LRP5: variants seen among roughly 807,000 people sequenced by gnomAD.
LRP5 encodes the protein low-density lipoprotein receptor-related protein 5.
In LRP5, 62 loss-of-function variants were observed where a neutral mutation model predicts 154.1. That is an observed-to-expected ratio of 0.40 (90% CI 0.33 to 0.50). The LOEUF is 0.50. Among genes scored for constraint, LRP5 ranks in the 20% least tolerant of loss-of-function variants. The pLI, the probability that LRP5 is intolerant of heterozygous loss-of-function variation, is 0.55. For missense variants in LRP5, 1,915 were observed against 2,336.7 expected (o/e 0.82, Z 3.72); for synonymous variants, 966 against 1,011.5 (o/e 0.96, Z 0.85).
intron 2 of LRP5, among the ~76,000 whole-genome samples, chr11:68,355,137 T>C (rs1241782973): frequency 1.3e-5 from 2 of 152,142 alleles, no homozygotes; most frequent in African/African-American, 4.8e-5. Context: ...CACCTGAGGC[T>C]CCTGAGGCTG....
At chr11:68,432,188 C>T (rs187409497) in intron 17 of LRP5, among the ~76,000 whole-genome samples, 4 of 152,324 alleles carry the variant, frequency 2.6e-5, no homozygotes, top group East Asian at 1.9e-4. Flanking sequence ...TGGTGCCCAG[C>T]GGCTGCTTCT....
chr11:68,309,860 C>A (rs1340091819), upstream of LRP5, among the ~76,000 whole-genome samples: 1 of 152,206 alleles, frequency 6.6e-6, no homozygotes, highest in Admixed American at 6.5e-5. Context: ...CAGGCCCCCA[C>A]AGGGGCCTCT....
At position 68,386,829 on chromosome 11, in the gene LRP5, G is replaced by T. The variant is rs1284803079; in HGVS notation, c.1412+117G>T. On this transcript the variant is annotated intron_variant, in intron 6 of 22. Coordinates refer to ENST00000294304, the MANE Select transcript of LRP5 (RefSeq NM_002335.4). This position sits in a 1 kb window ranked among gnomAD's most constrained non-coding sequence, Gnocchi z 7.9. The stretch of plus-strand genomic sequence containing the variant: ...GTCTTGCATCAGAACCCGGAGGAGG[G>T]CTTGTTAAAACACCGGCAGCTGGGC... 4 of 1,258,288 alleles carry T rather than the reference G, an allele frequency of 3.2e-6. No homozygotes were observed. The highest frequency in any genetic ancestry group is 4.3e-6 in the Non-Finnish European group (4 of 929,662). The allele number at this position is 1,258,288 out of a possible 1,614,324, so 77.9% of individuals were successfully genotyped here. A position where few individuals can be genotyped will look rare whatever the true frequency, so the allele number is the denominator to read the frequency against.
chr11:68,342,218 C>G (rs2098609595), intron 1 of LRP5, among the ~76,000 whole-genome samples: 1 of 152,094 alleles, frequency 6.6e-6, no homozygotes, highest in South Asian at 2.1e-4. Flanking sequence ...CGGAGCCGGC[C>G]CTTCCCTTCT....
rs373090987 is a variant in LRP5 at position 68,409,906 on chromosome 11, G to C, written c.2092-8G>C. The C allele has an allele frequency of 6.2e-7, 1 of 1,609,838 alleles. No homozygotes were observed. Among genetic ancestry groups the C allele is most frequent in the Non-Finnish European group, 8.5e-7 (1 of 1,176,736 alleles). On this transcript the variant is annotated splice_polypyrimidine_tract_variant and splice_region_variant and intron_variant, in intron 9 of 22. Transcript: ENST00000294304. Reference sequence around the variant, plus strand: ...AATGTGGCCCTTTTCCTCCTCACCTGCTGCCAGACCATCAGCCGCGCCTTC... The same window carrying C: ...AATGTGGCCCTTTTCCTCCTCACCTCCTGCCAGACCATCAGCCGCGCCTTC...
chr11:68,373,970 G>A (rs2098635881), intron 5 of LRP5, among the ~76,000 whole-genome samples: 1 of 152,200 alleles, frequency 6.6e-6, no homozygotes, highest in African/African-American at 2.4e-5. Context: ...GGCTCTCAGA[G>A]CTATGTCCAG....
chr11:68,435,445 C>A lies in LRP5; in HGVS notation c.4001-1444C>A, dbSNP rs1000581419. Among the ~76,000 whole-genome samples, 14 of 151,744 alleles carry A rather than the reference C, an allele frequency of 9.2e-5. No homozygotes were observed. The East Asian group carries it at 2.7e-3, about 29-fold the overall frequency. Reference sequence around the variant, plus strand: ...CTTTGACTCATGGTGAAAGTCGAAGCGGGAGCAGGTGCATCACATGGTGAG... The same window carrying A: ...CTTTGACTCATGGTGAAAGTCGAAGAGGGAGCAGGTGCATCACATGGTGAG... On this transcript the variant is annotated intron_variant, in intron 18 of 22. Coordinates refer to ENST00000294304, the MANE Select transcript of LRP5 (RefSeq NM_002335.4).
chr11:68,355,254 G>A (rs1052468200), intron 2 of LRP5, among the ~76,000 whole-genome samples: 13 of 152,116 alleles, frequency 8.5e-5, no homozygotes, highest in African/African-American at 2.2e-4. Context: ...CCTGTGTCCC[G>A]GGATCACTCT....
At chr11:68,420,140 A>G (rs1489207612) in intron 13 of LRP5, among the ~76,000 whole-genome samples, 3 of 152,212 alleles carry the variant, frequency 2.0e-5, no homozygotes, top group African/African-American at 7.2e-5. Context: ...TCAGTTCACG[A>G]GGTAACCATC....
At chr11:68,406,241 C>T (rs1261172455) in intron 8 of LRP5, among the ~76,000 whole-genome samples, 2 of 152,198 alleles carry the variant, frequency 1.3e-5, no homozygotes, top group African/African-American at 4.8e-5. Flanking sequence ...CAGGTGTTCT[C>T]CCACCACCCC....
At chr11:68,411,089 A>G (rs2153166850) in intron 10 of LRP5, among the ~76,000 whole-genome samples, 1 of 152,212 alleles carries the variant, frequency 6.6e-6, no homozygotes, top group Middle Eastern at 3.4e-3. Context: ...GCTTGTGTCC[A>G]TCCTGGTTTC....
At chr11:68,324,648 C>G (rs923597087) in intron 1 of LRP5, among the ~76,000 whole-genome samples, 5 of 152,222 alleles carry the variant, frequency 3.3e-5, no homozygotes, top group African/African-American at 4.8e-5. Flanking sequence ...AGGTTTTATC[C>G]TCTTAAGGAA....
upstream of LRP5, among the ~76,000 whole-genome samples, chr11:68,311,206 C>G (rs190369722): frequency 2.2e-4 from 33 of 152,306 alleles, no homozygotes; most frequent in Admixed American, 1.0e-3. Flanking sequence ...TAAATCCTAG[C>G]CTGGCTTCCC....
chr11:68,419,026 C>T (rs1461660150), intron 13 of LRP5, among the ~76,000 whole-genome samples: 1 of 152,116 alleles, frequency 6.6e-6, no homozygotes, highest in African/African-American at 2.4e-5. Context: ...TGCTTTTCCC[C>T]TCCTGTGTCT....
Position 68,447,124 on chromosome 11 carries a change from G to A in LRP5, c.4586+591G>A, listed in dbSNP as rs927960569. 1 of 173,000 alleles carries A rather than the reference G, an allele frequency of 5.8e-6. No individual in the cohort carries two copies. Among genetic ancestry groups the A allele is most frequent in the African/African-American group, 2.4e-5 (1 of 42,056 alleles). The allele number at this position is 173,000 out of a possible 1,614,324, so 10.7% of individuals were successfully genotyped here. On this transcript the variant is annotated intron_variant, in intron 22 of 22. Transcript: ENST00000294304. This position sits in a 1 kb window ranked among gnomAD's most constrained non-coding sequence, Gnocchi z 4.3. Reference sequence around the variant, plus strand: ...CAGGCCCCACCTCCCTGGTTGGGGAGGGGCAACTGAGAGTGTGGAGAGGTG... The same window carrying A: ...CAGGCCCCACCTCCCTGGTTGGGGAAGGGCAACTGAGAGTGTGGAGAGGTG...
intron 3 of LRP5, 111 bp from the exon 4 acceptor site, chr11:68,363,636 G>A (rs1272252384): frequency 4.5e-6 from 4 of 883,454 alleles, no homozygotes; most frequent in Admixed American, 2.0e-5. Context: ...CAGCCTGGGC[G>A]ACAGACCGAG....
At chr11:68,440,103 T>C (rs2098677379) in intron 21 of LRP5, 187 bp downstream of exon 21, 8 of 621,690 alleles carry the variant, frequency 1.3e-5, no homozygotes. Context: ...TTGTGGATAA[T>C]CTGAAAACTA....
intron 13 of LRP5, among the ~76,000 whole-genome samples, chr11:68,422,857 C>A (rs2098666602): frequency 6.6e-6 from 1 of 151,048 alleles, no homozygotes; most frequent in Admixed American, 6.6e-5. Flanking sequence ...CCCCACTCAC[C>A]CGCCCCTGCA....
intron 13 of LRP5, among the ~76,000 whole-genome samples, chr11:68,417,186 A>G (rs1397718000): frequency 1.3e-5 from 2 of 152,070 alleles, no homozygotes; most frequent in Non-Finnish European, 2.9e-5. Context: ...AGTTTTTGTG[A>G]AACACTGGAA....
Sources: gnomAD v4.1 joint callset for allele counts (sites outside exome capture counted in the v4.1 genomes callset) on GRCh38, gnomAD v4.1.1 for gene constraint, Gnocchi (gnomAD v3.1) non-coding constraint, MANE v1.5 for transcripts, NCBI Gene and HGNC (gene_info 2026-07-23, HGNC 2026-07-21) for gene names.